CCDC150: variants seen among roughly 807,000 people sequenced by gnomAD.
The protein encoded by CCDC150 is coiled-coil domain-containing protein 150.
A neutral mutation model predicts 156.5 loss-of-function variants in CCDC150; 151 were observed. The observed-to-expected ratio is 0.97, with a 90% confidence interval of 0.85 to 1.10. CCDC150 has a LOEUF of 1.10. CCDC150 is among the 50% of genes least tolerant of loss of function. The pLI is 0.00. For missense variants in CCDC150, 1,312 were observed against 1,268.1 expected (o/e 1.03, Z -0.53); for synonymous variants, 452 against 429.4 (o/e 1.05, Z -0.65).
In CCDC150 at chr2:196,721,592, A is replaced by G. The variant is rs774825620; in HGVS notation, c.2330A>G (p.Gln777Arg). Residue 777 changes from glutamine to arginine, a missense_variant, in exon 21 of 28, where the codon CAA becomes CGA. Physicochemically the swap from Gln to Arg is conservative, Grantham distance 43. Transcript: ENST00000389175. ...AGGAAACTTGCTATGAGTCTGGAAC[A>G]AGCTCTCCAGACAAATAATCATCTG... ...DNRKLAMSLE[Q>R]ALQTNNHLQT... 8 of 1,608,270 alleles carry G rather than the reference A, an allele frequency of 5.0e-6. No homozygotes were observed. In the Admixed American group the frequency reaches 1.4e-4, roughly 27 times the overall value.
chr2:196,725,415 C>T (rs956034931), intron 21 of CCDC150, among the ~76,000 whole-genome samples: 4 of 152,172 alleles, frequency 2.6e-5, no homozygotes, highest in African/African-American at 9.7e-5. Flanking sequence ...TTCCAGCATC[C>T]TCAGAAGATT....
chr2:196,706,788 G>A (rs1386203160), intron 15 of CCDC150, among the ~76,000 whole-genome samples: 1 of 152,106 alleles, frequency 6.6e-6, no homozygotes, highest in Non-Finnish European at 1.5e-5. Context: ...TTTTTCATTG[G>A]TTCTGTTTAT....
At position 196,729,185 on chromosome 2, in the gene CCDC150, G is replaced by A. The variant is rs1309598931; in HGVS notation, c.2557-8G>A. 9 of 1,599,944 alleles carry A rather than the reference G, an allele frequency of 5.6e-6. No individual in the cohort carries two copies. The highest frequency in any genetic ancestry group is 3.6e-5 in the Admixed American group (2 of 55,770). On this transcript the variant is annotated splice_region_variant and splice_polypyrimidine_tract_variant and intron_variant, in intron 22 of 27. Coordinates refer to ENST00000389175, the MANE Select transcript of CCDC150 (RefSeq NM_001080539.2). ...AAAATGTTTCAATTTTCTCCCTTGT[G>A]TTTTAAGCTGAAGAAAGCCCTTGAT...
chr2:196,707,628 C>T (rs1696757982), intron 15 of CCDC150, among the ~76,000 whole-genome samples: 1 of 152,164 alleles, frequency 6.6e-6, no homozygotes. Context: ...ATCTTTCCTG[C>T]TTTCTCTTGT....
In CCDC150 at chr2:196,670,974, G is replaced by A. The variant is rs912443853; in HGVS notation, c.936+1098G>A. On this transcript the variant is annotated intron_variant, in intron 8 of 27. Coordinates refer to ENST00000389175, the MANE Select transcript of CCDC150 (RefSeq NM_001080539.2). ...CTTCCTCATTAGCCGTTTGATGGATGTCCATTTAAAAAATGGATGCACCAT... is the reference window on the plus strand; with the variant it reads ...CTTCCTCATTAGCCGTTTGATGGATATCCATTTAAAAAATGGATGCACCAT... Among the ~76,000 whole-genome samples, 5 of 152,092 alleles carry A rather than the reference G, an allele frequency of 3.3e-5. No individual in the cohort carries two copies. The East Asian group carries it at 9.6e-4, about 29-fold the overall frequency.
intron 7 of CCDC150, among the ~76,000 whole-genome samples, chr2:196,669,418 G>A (rs1694062671): frequency 6.6e-6 from 1 of 152,110 alleles, no homozygotes; most frequent in African/African-American, 2.4e-5. Context: ...TCTGTTTACT[G>A]TTTCACAGAT....
chr2:196,718,388 A>G (rs1032083966), intron 17 of CCDC150, 115 bp from the exon 18 acceptor site: 1 of 769,716 alleles, frequency 1.3e-6, no homozygotes, highest in Non-Finnish European at 2.0e-6. Context: ...GATGGGTTCT[A>G]TTTATAGTAG....
At chr2:196,730,203 AGAG>A in intron 25 of CCDC150, 85 bp downstream of exon 25, 1 of 1,176,324 alleles carries the variant, frequency 8.5e-7, no homozygotes. Context: ...TAGACTTTCT[AGAG>A]TCTACAGAAG....
At chr2:196,728,230 G>T (rs1421834543) in intron 22 of CCDC150, among the ~76,000 whole-genome samples, 1 of 152,150 alleles carries the variant, frequency 6.6e-6, no homozygotes, top group Non-Finnish European at 1.5e-5. Flanking sequence ...TCAGTACAAA[G>T]TAAATGATAG....
At chr2:196,697,095 C>T (rs1050270830) in intron 14 of CCDC150, among the ~76,000 whole-genome samples, 3 of 152,198 alleles carry the variant, frequency 2.0e-5, no homozygotes, top group Non-Finnish European at 1.5e-5. Flanking sequence ...CATTCACTCT[C>T]TTCTAATGCA....
At position 196,646,345 on chromosome 2, in the gene CCDC150, A is replaced by G. The variant is rs61743572; in HGVS notation, c.17A>G (p.His6Arg). 1.2e-3 allele frequency: 1,888 copies of G among 1,613,534 alleles called. 16 individuals carry two copies. In the African/African-American group the frequency reaches 0.022, roughly 19 times the overall value. Residue 6 changes from histidine to arginine, a missense_variant, in exon 2 of 28, where the codon CAT becomes CGT. By Grantham distance (29) the His-to-Arg change is conservative. Coordinates refer to ENST00000389175, the MANE Select transcript of CCDC150 (RefSeq NM_001080539.2). MDCKV[H>R]METTVSRPVL... The stretch of plus-strand genomic sequence containing the variant: ...AGATTGTGACTGTATTCTTAGGTAC[A>G]TATGGAAACTACAGTGTCCAGACCG...
chr2:196,723,084 G>A (rs1043407936), intron 21 of CCDC150, among the ~76,000 whole-genome samples: 2 of 152,202 alleles, frequency 1.3e-5, no homozygotes, highest in African/African-American at 4.8e-5. Context: ...CAGTGCACAT[G>A]GTTAGGAAGA....
chr2:196,671,427 C>CTTTTTTTTTTTTTTTT (rs397987214), intron 8 of CCDC150, among the ~76,000 whole-genome samples: 3 of 108,612 alleles, frequency 2.8e-5, no homozygotes, highest in African/African-American at 6.5e-5. Flanking sequence ...TTTTCTCTCT[C>CTTTTTTTTTTTTTTTT]TTTTTTTTTT....
intron 13 of CCDC150, among the ~76,000 whole-genome samples, chr2:196,678,270 G>T (rs1437211120): frequency 1.3e-5 from 2 of 152,186 alleles, no homozygotes; most frequent in Non-Finnish European, 2.9e-5. Context: ...CCAGCAATAG[G>T]TATTGGGTAT....
At chr2:196,646,797 A>G (rs1405166231) in intron 2 of CCDC150, among the ~76,000 whole-genome samples, 1 of 143,390 alleles carries the variant, frequency 7.0e-6, no homozygotes, top group Admixed American at 7.5e-5. Flanking sequence ...ATGTAATAAA[A>G]AAAGATTTGT....
chr2:196,729,374 T>C lies in CCDC150; in HGVS notation c.2738T>C (p.Ile913Thr), dbSNP rs1370533988. 1.2e-6 allele frequency: 2 copies of C among 1,613,774 alleles called. No homozygotes were observed. Among genetic ancestry groups the C allele is most frequent in the Admixed American group, 1.7e-5 (1 of 60,004 alleles). ...GCTAAGGCGAATAATGCTCAGAATA[T>C]AGAAAGGATGAAGGTTGTATGGGAA... ...LSAKANNAQN[I>T]ERMKQIEKEL... The change falls in exon 23 of 28, where the codon ATA (isoleucine) becomes ACA (threonine). Residue 913 changes from isoleucine to threonine, a missense_variant. Transcript: ENST00000389175.
At chr2:196,712,294 G>T (rs767411612) in intron 16 of CCDC150, 42 bp downstream of exon 16, 3 of 1,101,108 alleles carry the variant, frequency 2.7e-6, no homozygotes, top group African/African-American at 3.2e-5. Context: ...GCTATATTTC[G>T]TTTTTAAGAA....
chr2:196,658,369 AAG>A (rs1256281561), intron 4 of CCDC150, among the ~76,000 whole-genome samples: 2 of 152,198 alleles, frequency 1.3e-5, no homozygotes, highest in Non-Finnish European at 2.9e-5. Context: ...CTTAATAAGA[AAG>A]AGAATAAGTA....
At chr2:196,646,755 T>A (rs1692567188) in intron 2 of CCDC150, among the ~76,000 whole-genome samples, 1 of 152,262 alleles carries the variant, frequency 6.6e-6, no homozygotes. Flanking sequence ...GGTATTCTGT[T>A]CACTTGATTA....
Sources: gnomAD v4.1 joint callset for allele counts (sites outside exome capture counted in the v4.1 genomes callset) on GRCh38, gnomAD v4.1.1 for gene constraint, MANE v1.5 for transcripts, NCBI Gene and HGNC (gene_info 2026-07-23, HGNC 2026-07-21) for gene names.